The following ZMYM5 variants were observed in gnomAD, a reference collection of about 807,000 sequenced individuals.
The protein encoded by ZMYM5 is zinc finger MYM-type containing 5, also known as zinc finger MYM-type protein 5.
Under a neutral mutation model 61.8 loss-of-function variants are expected in ZMYM5, and 41 were observed. The observed-to-expected ratio is 0.66, with a 90% CI of 0.52 to 0.86. ZMYM5 has a LOEUF of 0.86. Ranked by LOEUF, ZMYM5 falls within the 40% of genes least tolerant of loss-of-function variation. ZMYM5 has a pLI of 0.00. For missense variants in ZMYM5, 706 were observed against 786.7 expected (o/e 0.90, Z 1.23); for synonymous variants, 257 against 276.4 (o/e 0.93, Z 0.70).
chr13:19,858,585 C>CAAAAA (rs34468029), intron 2 of ZMYM5, among the ~76,000 whole-genome samples: 6 of 85,312 alleles, frequency 7.0e-5, no homozygotes, highest in Non-Finnish European at 1.0e-4. Context: ...GACGCTGTTT[C>CAAAAA]AAAAAAAAAA....
At chr13:19,854,627 C>A (rs866217990) in intron 2 of ZMYM5, among the ~76,000 whole-genome samples, 711 of 123,660 alleles carry the variant, frequency 5.7e-3, no homozygotes, top group Admixed American at 7.2e-3. Flanking sequence ...GACTTCGTCT[C>A]AAAAAAAAAA....
At chr13:19,837,415 C>T in intron 6 of ZMYM5, 2 of 1,501,328 alleles carry the variant, frequency 1.3e-6, no homozygotes, top group Non-Finnish European at 1.8e-6. Context: ...AAAACAATTG[C>T]CTTGTTTATG....
chr13:19,849,535 GCAAA>G (rs1337921283), intron 4 of ZMYM5, among the ~76,000 whole-genome samples: 1 of 152,088 alleles, frequency 6.6e-6, no homozygotes, highest in Non-Finnish European at 1.5e-5. Flanking sequence ...AAGATTGAAA[GCAAA>G]CAAACCAAAT....
At chr13:19,844,673 G>A (rs1953011353) in intron 4 of ZMYM5, among the ~76,000 whole-genome samples, 1 of 152,198 alleles carries the variant, frequency 6.6e-6, no homozygotes, top group South Asian at 2.1e-4. Context: ...CCAGGCTGGA[G>A]TGCAGTGGCG....
At chr13:19,839,089 G>T (rs746814985) in intron 4 of ZMYM5, 104 bp from the exon 5 acceptor site, 3 of 1,382,906 alleles carry the variant, frequency 2.2e-6, no homozygotes, top group Admixed American at 4.6e-5. Flanking sequence ...TGGGGCAGGC[G>T]TATAAACATG....
intron 4 of ZMYM5, among the ~76,000 whole-genome samples, chr13:19,839,568 G>A (rs941766207): frequency 2.6e-5 from 4 of 151,770 alleles, no homozygotes; most frequent in African/African-American, 9.7e-5. Context: ...TAGAGAGGGT[G>A]TTTCACTATG....
chr13:19,844,085 C>A lies in ZMYM5; in HGVS notation c.587-5100G>T, dbSNP rs183476982. The stretch of plus-strand genomic sequence containing the variant: ...CCCGGGAGGCAGAGCTTTCAGTGAG[C>A]CGAGATCGCCCCACTGCACTCCAGC... On this transcript the variant is annotated intron_variant, in intron 4 of 7. Coordinates refer to ENST00000337963, the MANE Select transcript of ZMYM5 (RefSeq NM_001142684.2). Among the ~76,000 whole-genome samples the A allele has an allele frequency of 2.4e-3, 362 of 150,840 alleles. 4 individuals are homozygous for A. The highest frequency in any genetic ancestry group is 6.6e-4 in the Non-Finnish European group (45 of 67,818).
chr13:19,832,987 G>A (rs892114926), intron 7 of ZMYM5, among the ~76,000 whole-genome samples: 1 of 151,886 alleles, frequency 6.6e-6, no homozygotes, highest in Admixed American at 6.6e-5. Context: ...TCCCATCTTG[G>A]CCTCCCAAAG....
chr13:19,825,519 C>T (rs1181698049), intron 7 of ZMYM5, among the ~76,000 whole-genome samples: 1 of 151,912 alleles, frequency 6.6e-6, no homozygotes, highest in African/African-American at 2.4e-5. Flanking sequence ...CAGTGGCATG[C>T]GCCTGTAATC....
chr13:19,847,714 C>T (rs10220249), intron 4 of ZMYM5, among the ~76,000 whole-genome samples: 14,568 of 148,688 alleles, frequency 0.098, 841 homozygotes, highest in African/African-American at 0.16. Context: ...GTGATCTTGG[C>T]TCACTGCAAC....
intron 2 of ZMYM5, among the ~76,000 whole-genome samples, chr13:19,856,203 T>C (rs1186620220): frequency 6.6e-6 from 1 of 152,172 alleles, no homozygotes; most frequent in Non-Finnish European, 1.5e-5. Flanking sequence ...CAATTAGCTA[T>C]GTGGCAGTGG....
chr13:19,852,207 GAAAA>G lies in ZMYM5; in HGVS notation c.-10-21_-10-18del, dbSNP rs749266505. The G allele has an allele frequency of 4.2e-6, 6 of 1,428,850 alleles. No homozygotes were observed. Among genetic ancestry groups the G allele is most frequent in the Non-Finnish European group, 5.5e-6 (6 of 1,083,518 alleles). 88.5% of individuals were successfully genotyped at this position (1,428,850 alleles called of 1,614,324 possible). A position where few individuals can be genotyped will look rare whatever the true frequency, so the allele number is the denominator to read the frequency against. On this transcript the variant is annotated intron_variant, in intron 2 of 7. Coordinates refer to ENST00000337963, the MANE Select transcript of ZMYM5 (RefSeq NM_001142684.2). ...CCAATGAACCTGTAGAGACAGAAAAGAAAAAAAAAAGTTCTAGTATGTTATGGTT... is the reference window on the plus strand; with the variant it reads ...CCAATGAACCTGTAGAGACAGAAAAGAAAAAAGTTCTAGTATGTTATGGTT...
intron 2 of ZMYM5, among the ~76,000 whole-genome samples, chr13:19,855,512 T>C (rs1325828623): frequency 6.6e-6 from 1 of 151,072 alleles, no homozygotes; most frequent in African/African-American, 2.4e-5. Context: ...TCCACCCGCC[T>C]GGGCCTCTCA....
intron 7 of ZMYM5, among the ~76,000 whole-genome samples, chr13:19,826,758 A>T (rs1593838798): frequency 2.0e-5 from 2 of 101,874 alleles, no homozygotes; most frequent in Admixed American, 9.0e-5. Flanking sequence ...CCGTCTCGTT[A>T]AAAAAAAAAA....
Position 19,852,135 on chromosome 13 carries a change from G to A in ZMYM5, c.46C>T (p.Pro16Ser), listed in dbSNP as rs758649803. 2 of 1,612,398 alleles carry A rather than the reference G, an allele frequency of 1.2e-6. No individual in the cohort carries two copies. The highest frequency in any genetic ancestry group is 1.7e-6 in the Non-Finnish European group (2 of 1,179,904). ...ATGGCCATATTCCCTAATAAAGCAG[G>A]AGTCTGTTCAGTCAACTCTAATCCT... is the stretch of plus-strand genomic sequence containing the variant. ...VGGLELTEQT[P>S]ALLGNMAMAT... Residue 16 changes from proline to serine, a missense_variant, in exon 3 of 8, where the codon CCT becomes TCT. By Grantham distance (74) the Pro-to-Ser change is moderately conservative. Transcript: ENST00000337963.
intron 6 of ZMYM5, among the ~76,000 whole-genome samples, chr13:19,836,728 G>C (rs951336921): frequency 1.3e-5 from 2 of 152,076 alleles, no homozygotes; most frequent in Non-Finnish European, 2.9e-5. Flanking sequence ...CCAGAAGCAG[G>C]GTAGTTCTCA....
At chr13:19,827,880 G>A (rs1298216616) in intron 7 of ZMYM5, among the ~76,000 whole-genome samples, 10 of 151,924 alleles carry the variant, frequency 6.6e-5, no homozygotes, top group African/African-American at 2.2e-4. Context: ...TTAGCCAGGC[G>A]TAGTGGTGGG....
At position 19,838,865 on chromosome 13, in the gene ZMYM5, A is replaced by AGTT. The variant is rs764850031; in HGVS notation, c.704_706dup (p.Gln235dup). ...ACAAGTGATTTTAGCTGGTTTAGTA[A>AGTT]GTTGTTGTTGGGCTGTAGGCTGGAA... On this transcript the variant is annotated inframe_insertion, in exon 5 of 8. Coordinates refer to ENST00000337963, the MANE Select transcript of ZMYM5 (RefSeq NM_001142684.2). 6 of 1,613,952 alleles carry AGTT rather than the reference A, an allele frequency of 3.7e-6. No individual in the cohort carries two copies. Among genetic ancestry groups the AGTT allele is most frequent in the Non-Finnish European group, 5.1e-6 (6 of 1,180,020 alleles).
At chr13:19,861,147 C>T (rs1265348059) in intron 2 of ZMYM5, among the ~76,000 whole-genome samples, 3 of 151,884 alleles carry the variant, frequency 2.0e-5, no homozygotes, top group Non-Finnish European at 4.4e-5. Context: ...GTGCCCAGAG[C>T]CACTTTACCC....
Sources: gnomAD v4.1 joint callset for allele counts (sites outside exome capture counted in the v4.1 genomes callset) on GRCh38, gnomAD v4.1.1 for gene constraint, MANE v1.5 for transcripts, NCBI Gene and HGNC (gene_info 2026-07-23, HGNC 2026-07-21) for gene names.